Variants in RUFY2 observed in about 807,000 individuals in gnomAD.
The protein encoded by RUFY2 is RUN and FYVE domain containing 2, also known as RUN and FYVE domain-containing protein 2.
RUFY2 carries 49 observed loss-of-function variants against 94.4 expected under a neutral mutation model. The observed-to-expected ratio is 0.52, with a 90% CI of 0.41 to 0.66. The LOEUF is 0.66. RUFY2 is among the 30% of genes least tolerant of loss of function. The probability of loss-of-function intolerance (pLI) is 0.00; values close to 1 mark genes in which losing one functional copy is unlikely to be tolerated. For missense variants in RUFY2, 541 were observed against 692.8 expected (o/e 0.78, Z 2.46); for synonymous variants, 255 against 235.7 (o/e 1.08, Z -0.75).
chr10:68,378,164 A>T (rs1202914237), intron 12 of RUFY2: 5 of 987,736 alleles, frequency 5.1e-6, no homozygotes, highest in African/African-American at 1.7e-5. Context: ...ATATGTAAAA[A>T]TCTGTAAGGG....
chr10:68,349,638 G>A (rs559145760), intron 16 of RUFY2, among the ~76,000 whole-genome samples: 26 of 150,618 alleles, frequency 1.7e-4, no homozygotes, highest in South Asian at 8.4e-4. Flanking sequence ...TCCCGGGTTC[G>A]CGCCATTCTC....
intron 15 of RUFY2, among the ~76,000 whole-genome samples, chr10:68,356,015 T>A (rs750708620): frequency 1.1e-4 from 16 of 152,104 alleles, no homozygotes; most frequent in Non-Finnish European, 2.1e-4. Context: ...TGCCTTTGCA[T>A]GCATAATCTC....
At chr10:68,341,774 A>G (rs981571443), downstream of RUFY2, 22 of 1,606,828 alleles carry the variant, frequency 1.4e-5, no homozygotes, top group Non-Finnish European at 1.8e-5. Flanking sequence ...CAGGGAGGCT[A>G]TGGATCAGTT....
chr10:68,366,516 G>A (rs1457377074), intron 13 of RUFY2, among the ~76,000 whole-genome samples: 4 of 151,006 alleles, frequency 2.6e-5, no homozygotes, highest in Non-Finnish European at 5.9e-5. Flanking sequence ...GCCGAGGCAG[G>A]TGGATCACTT....
chr10:68,401,593 G>A, intron 3 of RUFY2, 27 bp downstream of exon 3: 5 of 1,367,460 alleles, frequency 3.7e-6, no homozygotes, highest in Non-Finnish European at 5.2e-6. Context: ...CTGTGGCTAG[G>A]GATGAACAAG....
chr10:68,347,557 T>C (rs2046375149), intron 16 of RUFY2, among the ~76,000 whole-genome samples: 2 of 152,316 alleles, frequency 1.3e-5, no homozygotes, highest in South Asian at 4.1e-4. Flanking sequence ...GTGCTGGGAT[T>C]ACAGGCATAA....
In RUFY2 at chr10:68,345,838, G is replaced by A; in HGVS notation, c.1751C>T (p.Pro584Leu). Residue 584 changes from proline (P) to leucine (L), a missense_variant, in exon 18 of 18, where the codon CCA (proline) becomes CTA (leucine). By Grantham distance (98) the Pro-to-Leu change is moderately conservative. Transcript: ENST00000602465. The stretch of plus-strand genomic sequence containing the variant: ...GGAATCACAAACCCGTACTGGTTTT[G>A]GTGAAGAAGGCAAAGGTAGTTCGTT... ...SDNELPLPSS[P>L]KPVRVCDSCH... The A allele has an allele frequency of 6.2e-7, 1 of 1,613,988 alleles. No homozygotes were observed. Among genetic ancestry groups the A allele is most frequent in the East Asian group, 2.2e-5 (1 of 44,874 alleles).
chr10:68,373,853 C>T (rs2048435299), intron 13 of RUFY2, among the ~76,000 whole-genome samples: 1 of 152,042 alleles, frequency 6.6e-6, no homozygotes, highest in African/African-American at 2.4e-5. Flanking sequence ...GTGGCTCATG[C>T]CTGTAATTTG....
chr10:68,370,141 C>T (rs1342940322), intron 13 of RUFY2, among the ~76,000 whole-genome samples: 4 of 151,900 alleles, frequency 2.6e-5, no homozygotes, highest in African/African-American at 9.7e-5. Context: ...AAAAATTAGC[C>T]GGGCATGGTG....
intron 16 of RUFY2, among the ~76,000 whole-genome samples, chr10:68,353,041 T>C (rs1048000045): frequency 5.4e-5 from 8 of 148,728 alleles, no homozygotes; most frequent in African/African-American, 9.9e-5. Flanking sequence ...AATAAAAAAT[T>C]CAGAATAGGG....
chr10:68,401,692 A>G lies in RUFY2; in HGVS notation c.224T>C (p.Leu75Ser). ...LSYNKTIWGP[L>S]ELVEKLYPEA... ...GGGGTACAGCTTCTCCACCAGTTCC[A>G]AAGGGCCCCAGATGGTTTTGTTGTA... The change falls in exon 3 of 18, where the codon TTG (leucine) becomes TCG (serine). Residue 75 changes from leucine to serine, a missense_variant. Leu to Ser is a moderately radical substitution (Grantham distance 145). Coordinates refer to ENST00000602465, the MANE Select transcript of RUFY2 (RefSeq NM_001330103.2). 2 of 1,614,038 alleles carry G rather than the reference A, an allele frequency of 1.2e-6. No individual in the cohort carries two copies. Among genetic ancestry groups the G allele is most frequent in the Non-Finnish European group, 1.7e-6 (2 of 1,179,898 alleles).
chr10:68,400,188 T>C (rs1281399328), intron 3 of RUFY2, among the ~76,000 whole-genome samples: 3 of 151,516 alleles, frequency 2.0e-5, no homozygotes, highest in Non-Finnish European at 4.4e-5. Flanking sequence ...TGGTGGCACA[T>C]GCCTGTAATC....
intron 3 of RUFY2, 32 bp downstream of exon 3, chr10:68,401,588 G>T: frequency 1.5e-6 from 2 of 1,321,314 alleles, no homozygotes; most frequent in Non-Finnish European, 2.2e-6. Context: ...CACTTCTGTG[G>T]CTAGGGATGA....
chr10:68,382,625 A>G (rs910940724), intron 10 of RUFY2, among the ~76,000 whole-genome samples: 1 of 150,880 alleles, frequency 6.6e-6, no homozygotes, highest in African/African-American at 2.4e-5. Context: ...GAGGCAGGAG[A>G]ATGGCGTGAA....
At chr10:68,390,164 AT>A (rs1256314134) in intron 7 of RUFY2, among the ~76,000 whole-genome samples, 3 of 152,202 alleles carry the variant, frequency 2.0e-5, no homozygotes, top group Non-Finnish European at 2.9e-5. Flanking sequence ...AAATATACAT[AT>A]ATTTCCTACG....
intron 11 of RUFY2, among the ~76,000 whole-genome samples, chr10:68,380,951 A>C (rs2049017710): frequency 6.6e-6 from 1 of 152,198 alleles, no homozygotes; most frequent in Admixed American, 6.5e-5. Context: ...CTGGAAAAGG[A>C]AGTTCACAAA....
At chr10:68,362,103 T>C (rs566695141) in intron 15 of RUFY2, among the ~76,000 whole-genome samples, 89 of 152,252 alleles carry the variant, frequency 5.8e-4, no homozygotes, top group African/African-American at 1.8e-3. Context: ...GGCAGGATGA[T>C]GTCCTGAGCC....
intron 1 of RUFY2, chr10:68,405,387 G>A (rs1333190354): frequency 2.6e-6 from 2 of 763,884 alleles, no homozygotes; most frequent in South Asian, 6.0e-5. Flanking sequence ...CAAAGTTAAT[G>A]AATTATTCTC....
chr10:68,341,326 G>A, downstream of RUFY2: 1 of 1,590,646 alleles, frequency 6.3e-7, no homozygotes, highest in South Asian at 1.2e-5. Context: ...GGTGTCTTTG[G>A]CACACAATCT....
Sources: gnomAD v4.1 joint callset for allele counts (sites outside exome capture counted in the v4.1 genomes callset) on GRCh38, gnomAD v4.1.1 for gene constraint, MANE v1.5 for transcripts, NCBI Gene and HGNC (gene_info 2026-07-23, HGNC 2026-07-21) for gene names.